The following SFMBT1 variants were observed in gnomAD, a reference collection of about 807,000 sequenced individuals.
SFMBT1 encodes Scm like with four mbt domains 1.
Under a neutral mutation model 108.7 loss-of-function variants are expected in SFMBT1, and 32 were observed. The ratio of observed to expected loss-of-function variants is 0.29; its 90% CI spans 0.22 to 0.40. The LOEUF (loss-of-function observed/expected upper bound fraction) is 0.40. Among genes scored for constraint, SFMBT1 ranks in the 10% least tolerant of loss-of-function variants. The pLI, the probability that SFMBT1 is intolerant of heterozygous loss-of-function variation, is 1.00. For synonymous variants in SFMBT1, 348 were observed against 369.5 expected, an observed-to-expected ratio of 0.94 and a Z score of 0.67; for missense variants, 816 against 1,059.6, an observed-to-expected ratio of 0.77 and a Z score of 3.19.
At chr3:52,940,388 G>C (rs1312913604) in intron 4 of SFMBT1, among the ~76,000 whole-genome samples, 1 of 152,140 alleles carries the variant, frequency 6.6e-6, no homozygotes, top group East Asian at 1.9e-4. Context: ...AGAAAAATAA[G>C]GACATATTAA....
intron 1 of SFMBT1, among the ~76,000 whole-genome samples, chr3:52,979,001 G>A (rs904131311): frequency 3.3e-5 from 5 of 152,046 alleles, no homozygotes; most frequent in Non-Finnish European, 5.9e-5. Flanking sequence ...TTGCTTTTGG[G>A]GGTATTAAAA....
At chr3:52,928,619 CATATATACATATATATACAT>C (rs1335660256) in intron 8 of SFMBT1, 1,243 of 37,486 alleles carry the variant, frequency 0.033, 15 homozygotes, top group Non-Finnish European at 0.066. Context: ...CATATATATA[CATATATACATATATATACAT>C]ATATATATAT....
chr3:52,930,832 C>T, intron 7 of SFMBT1, 109 bp downstream of exon 7: 2 of 791,492 alleles, frequency 2.5e-6, no homozygotes, highest in East Asian at 2.6e-5. Flanking sequence ...CCTTCAGAGA[C>T]CATGGCATTC....
chr3:52,979,486 T>C (rs1039825517), intron 1 of SFMBT1, among the ~76,000 whole-genome samples: 1 of 152,184 alleles, frequency 6.6e-6, no homozygotes, highest in Admixed American at 6.5e-5. Flanking sequence ...TCATTCACTG[T>C]AGGGGATCAC....
intron 2 of SFMBT1, among the ~76,000 whole-genome samples, chr3:52,968,368 C>T (rs146675925): frequency 6.6e-6 from 1 of 152,238 alleles, no homozygotes; most frequent in African/African-American, 2.4e-5. Context: ...GGAATCTACA[C>T]ATGTGACAAA....
intron 1 of SFMBT1, among the ~76,000 whole-genome samples, chr3:53,027,759 C>A (rs1280329567): frequency 1.3e-5 from 2 of 152,192 alleles, no homozygotes; most frequent in Admixed American, 1.3e-4. Context: ...ATTCGTTAGG[C>A]ATCATCCACA....
chr3:52,969,452 C>T (rs113679237), intron 1 of SFMBT1, among the ~76,000 whole-genome samples, 194 bp from the exon 2 acceptor site: 1 of 152,110 alleles, frequency 6.6e-6, no homozygotes, highest in Non-Finnish European at 1.5e-5. Context: ...CGCTCATGTG[C>T]GTCTGTATGT....
chr3:52,950,944 C>A (rs1000825716), intron 3 of SFMBT1, among the ~76,000 whole-genome samples: 7 of 151,524 alleles, frequency 4.6e-5, no homozygotes, highest in African/African-American at 7.3e-5. Flanking sequence ...CAAGACCCAT[C>A]TCTACCAAAA....
At chr3:52,941,905 A>C (rs552403010) in intron 4 of SFMBT1, among the ~76,000 whole-genome samples, 1 of 152,258 alleles carries the variant, frequency 6.6e-6, no homozygotes, top group East Asian at 1.9e-4. Flanking sequence ...TCTCAAAAAA[A>C]TAAAATAGAA....
At chr3:52,999,904 G>C (rs1217013613) in intron 1 of SFMBT1, among the ~76,000 whole-genome samples, 4 of 150,076 alleles carry the variant, frequency 2.7e-5, no homozygotes, top group African/African-American at 9.7e-5. Flanking sequence ...TGTCGCCCAG[G>C]CTGGAATGCA....
intron 1 of SFMBT1, among the ~76,000 whole-genome samples, chr3:52,976,479 T>C (rs1704524189): frequency 6.6e-6 from 1 of 151,910 alleles, no homozygotes; most frequent in Admixed American, 6.6e-5. Context: ...ATAAATAAAT[T>C]CCAAGTGAAT....
At chr3:52,947,686 A>G (rs572399865) in intron 3 of SFMBT1, among the ~76,000 whole-genome samples, 1 of 151,554 alleles carries the variant, frequency 6.6e-6, no homozygotes, top group African/African-American at 2.4e-5. Flanking sequence ...TTGTAGTCTA[A>G]TTTATCAATA....
chr3:53,020,429 GA>G (rs1039362195), intron 1 of SFMBT1, among the ~76,000 whole-genome samples: 1 of 151,470 alleles, frequency 6.6e-6, no homozygotes, highest in Non-Finnish European at 1.5e-5. Flanking sequence ...TAAAGAAAAA[GA>G]AAAAAAGGAA....
Position 53,009,397 on chromosome 3 carries a change from G to A in SFMBT1, c.-131+36419C>T, listed in dbSNP as rs536288141. On this transcript the variant is annotated intron_variant, in intron 1 of 20. Coordinates refer to ENST00000394752, the MANE Select transcript of SFMBT1 (RefSeq NM_016329.4). The stretch of plus-strand genomic sequence containing the variant: ...CGGGAGGCAGAGATTGCAGTGAGCC[G>A]AGATCACGCCACTGCACTCCAGAGA... Among the ~76,000 whole-genome samples, 12 of 152,126 alleles carry A rather than the reference G, an allele frequency of 7.9e-5. No homozygotes were observed. The South Asian group carries it at 1.7e-3, about 21-fold the overall frequency.
intron 12 of SFMBT1, 31 bp from the exon 13 acceptor site, chr3:52,918,557 AG>A: frequency 7.0e-7 from 1 of 1,426,542 alleles, no homozygotes; most frequent in Non-Finnish European, 9.5e-7. Flanking sequence ...ATAAATGCCA[AG>A]AAAAATAAAA....
chr3:52,914,624 G>T (rs1372939446), intron 14 of SFMBT1, among the ~76,000 whole-genome samples: 1 of 152,136 alleles, frequency 6.6e-6, no homozygotes, highest in South Asian at 2.1e-4. Context: ...TATGCCTGTA[G>T]TCCCAGCTAC....
chr3:52,941,345 G>T (rs971804359), intron 4 of SFMBT1, among the ~76,000 whole-genome samples: 8 of 152,002 alleles, frequency 5.3e-5, no homozygotes, highest in African/African-American at 1.9e-4. Context: ...TGTAATCCCA[G>T]CACTTTGGGA....
intron 17 of SFMBT1, among the ~76,000 whole-genome samples, chr3:52,910,128 C>A (rs1474132567): frequency 6.6e-6 from 1 of 152,088 alleles, no homozygotes; most frequent in Non-Finnish European, 1.5e-5. Flanking sequence ...CCTCACTGTC[C>A]TATTTTGCTT....
chr3:52,948,094 A>C (rs35720014), intron 3 of SFMBT1, among the ~76,000 whole-genome samples: 11,483 of 152,266 alleles, frequency 0.075, 473 homozygotes, highest in Non-Finnish European at 0.094. Context: ...AGGATCATAA[A>C]CTATATTATT....
Sources: allele counts gnomAD v4.1 joint callset (sites outside exome capture counted in the v4.1 genomes callset), GRCh38; gene constraint gnomAD v4.1.1; transcripts MANE v1.5; gene names NCBI Gene and HGNC (gene_info 2026-07-23, HGNC 2026-07-21).